Variants in GYS1 observed in about 807,000 individuals in gnomAD.
GYS1 encodes glycogen synthase 1.
A neutral mutation model predicts 89.1 loss-of-function variants in GYS1; 60 were observed. The observed-to-expected ratio is 0.67, with a 90% CI of 0.55 to 0.84. GYS1 has a LOEUF of 0.84. Ranked by LOEUF, GYS1 falls within the 40% of genes least tolerant of loss-of-function variation. The probability of loss-of-function intolerance (pLI) is 0.00; values close to 1 mark genes in which losing one functional copy is unlikely to be tolerated. For synonymous variants in GYS1, 366 were observed against 401.7 expected, an observed-to-expected ratio of 0.91 and a Z score of 1.06; for missense variants, 888 against 1,003.1, an observed-to-expected ratio of 0.89 and a Z score of 1.55.
At position 48,969,403 on chromosome 19, in the gene GYS1, G is replaced by T. The variant is rs376847475; in HGVS notation, c.2099C>A (p.Thr700Asn). Residue 700 changes from threonine (T) to asparagine (N), a missense_variant, in exon 16 of 16, where the codon ACC (threonine) becomes AAC (asparagine). Physicochemically the swap from Thr to Asn is moderately conservative, Grantham distance 65. Transcript: ENST00000323798. ...GCGCTTGCTGCCGCTGGTGGAGGAGGTGCAGGACGCTCGGCGCGGCCACTC... is the reference window on the plus strand; with the variant it reads ...GCGCTTGCTGCCGCTGGTGGAGGAGTTGCAGGACGCTCGGCGCGGCCACTC... ...APEWPRRASC[T>N]SSTSGSKRNS... 6.4e-7 allele frequency: 1 copy of T among 1,559,322 alleles called. No homozygotes were observed. Among genetic ancestry groups the T allele is most frequent in the Non-Finnish European group, 8.6e-7 (1 of 1,156,202 alleles).
At chr19:48,984,124 G>A (rs1320713596) in intron 5 of GYS1, among the ~76,000 whole-genome samples, 1 of 151,870 alleles carries the variant, frequency 6.6e-6, no homozygotes, top group Non-Finnish European at 1.5e-5. Flanking sequence ...TCAGCCTCCC[G>A]AGTAGCTGGG....
intron 2 of GYS1, among the ~76,000 whole-genome samples, chr19:48,989,043 CCTTG>C (rs1230490215): frequency 6.6e-6 from 1 of 151,722 alleles, no homozygotes; most frequent in Non-Finnish European, 1.5e-5. Context: ...TTCCTTCCTT[CCTTG>C]CTTCCTTCCT....
intron 8 of GYS1, among the ~76,000 whole-genome samples, chr19:48,978,787 G>T (rs1054774317): frequency 3.9e-5 from 6 of 151,916 alleles, no homozygotes; most frequent in Non-Finnish European, 8.8e-5. Context: ...TGGCCACCTC[G>T]GCCTCCCAAA....
rs759972914 is a variant in GYS1 at position 48,985,977 on chromosome 19, G to A, written c.551C>T (p.Ala184Val). 6 of 1,614,194 alleles carry A rather than the reference G, an allele frequency of 3.7e-6. No homozygotes were observed. The East Asian group carries it at 6.7e-5, about 18-fold the overall frequency. Reference sequence around the variant, plus strand: ...ACGACACAGGCAGAGTCCAACGCCTGCCAACCACTCATGGAAGTGAGCAAC... The same window carrying A: ...ACGACACAGGCAGAGTCCAACGCCTACCAACCACTCATGGAAGTGAGCAAC... ...HVVAHFHEWL[A>V]GVGLCLCRAR... The change falls in exon 4 of 16, where the codon GCA (alanine) becomes GTA (valine). Residue 184 changes from alanine to valine, a missense_variant. Coordinates refer to ENST00000323798, the MANE Select transcript of GYS1 (RefSeq NM_002103.5).
rs374209527 is a variant in GYS1, at chr19:48,970,524, G to C, written c.1809+22C>G. 2.1e-5 allele frequency: 34 copies of C among 1,609,488 alleles called. No homozygotes were observed. In the South Asian group the frequency reaches 2.8e-4, roughly 13 times the overall value. On this transcript the variant is annotated intron_variant, in intron 14 of 15. Coordinates refer to ENST00000323798, the MANE Select transcript of GYS1 (RefSeq NM_002103.5). ...AGGAGCTGCTGATTTGCCAGGAGAG[G>C]ATAGGAAAGTGGGGGTCCTACCCGG...
chr19:48,983,956 T>C (rs1184876988), intron 5 of GYS1, among the ~76,000 whole-genome samples: 1 of 152,170 alleles, frequency 6.6e-6, no homozygotes, highest in African/African-American at 2.4e-5. Context: ...GGTAAAAAAA[T>C]GGTAACTGAT....
rs747526091 is a variant in GYS1 at position 48,970,583 on chromosome 19, C to A, written c.1772G>T (p.Arg591Leu). 1.2e-6 allele frequency: 2 copies of A among 1,613,846 alleles called. No homozygotes were observed. The highest frequency in any genetic ancestry group is 1.7e-6 in the Non-Finnish European group (2 of 1,179,884). Residue 591 changes from arginine to leucine, a missense_variant, in exon 14 of 16, where the codon CGC (arginine) becomes CTC (leucine). Transcript: ENST00000323798. The part of the protein sequence containing the change: ...QRIIQRNRTE[R>L]LSDLLDWKYL... ...TTTCCAGTCCAGAAGGTCGGAGAGG[C>A]GCTCCGTGCGGTTCCGCTGGATGAT...
chr19:48,970,464 T>C (rs1459688573), intron 14 of GYS1, 82 bp downstream of exon 14: 2 of 1,161,918 alleles, frequency 1.7e-6, no homozygotes, highest in Non-Finnish European at 1.3e-6. Context: ...ACAAGTAGGA[T>C]GAGACCCTGC....
intron 12 of GYS1, 40 bp from the exon 13 acceptor site, chr19:48,971,063 A>T (rs1391569153): frequency 7.4e-7 from 1 of 1,356,036 alleles, no homozygotes; most frequent in East Asian, 2.3e-5. Context: ...AGCTTCCCTC[A>T]TCGCCTACCG....
At chr19:48,979,216 C>T (rs916362504) in intron 8 of GYS1, among the ~76,000 whole-genome samples, 2 of 152,000 alleles carry the variant, frequency 1.3e-5, no homozygotes, top group African/African-American at 4.8e-5. Context: ...ACCACTTAGG[C>T]ACACAAGTAA....
rs1165099068 is a variant in GYS1 at position 48,968,306 on chromosome 19, C to T, written c.*982G>A. On this transcript the variant is annotated 3_prime_UTR_variant, in exon 16 of 16. Transcript: ENST00000323798. The stretch of plus-strand genomic sequence containing the variant: ...GCACAGTTTGGGGATGGAAGAGCCT[C>T]GAGGTAAATGTGGGGGTTCTAGAAC... The T allele has an allele frequency of 4.6e-5, 21 of 454,284 alleles. No homozygotes were observed. The highest frequency in any genetic ancestry group is 1.4e-4 in the Admixed American group (6 of 42,540). The allele number at this position is 454,284 out of a possible 1,614,324, so 28.1% of individuals were successfully genotyped here. A position where few individuals can be genotyped will look rare whatever the true frequency, so the allele number is the denominator to read the frequency against.
Position 48,993,014 on chromosome 19 carries a change from G to A in GYS1, c.99C>T (p.Ala33=). Residue 33 remains alanine (A), a synonymous_variant, in exon 1 of 16, where the codon GCC becomes GCT. Coordinates refer to ENST00000323798, the MANE Select transcript of GYS1 (RefSeq NM_002103.5). ...DLENAVLFEV[A]WEVANKVGGI... ...GCTCACCCTTGTTAGCCACCTCCCA[G>A]GCCACTTCGAAGAGCACTGCGTTCT... 3.1e-6 allele frequency: 5 copies of A among 1,608,254 alleles called. No homozygotes were observed. The highest frequency in any genetic ancestry group is 4.3e-6 in the Non-Finnish European group (5 of 1,174,770).
chr19:48,973,391 GC>G (rs1360581557), intron 12 of GYS1, among the ~76,000 whole-genome samples: 4 of 151,972 alleles, frequency 2.6e-5, no homozygotes, highest in Admixed American at 2.6e-4. Flanking sequence ...ATAAAACAAG[GC>G]CTATGGAAAA....
chr19:48,978,840 T>G (rs981606495), intron 8 of GYS1, among the ~76,000 whole-genome samples: 1 of 152,090 alleles, frequency 6.6e-6, no homozygotes, highest in Non-Finnish European at 1.5e-5. Context: ...CAGCTACCCT[T>G]AGGTTTCTAG....
At chr19:48,986,492 T>C (rs1167413327) in intron 3 of GYS1, among the ~76,000 whole-genome samples, 1 of 151,698 alleles carries the variant, frequency 6.6e-6, no homozygotes, top group Non-Finnish European at 1.5e-5. Flanking sequence ...TAAGCTTCTT[T>C]TTTTTTTTTT....
chr19:48,980,089 A>C lies in GYS1; in HGVS notation c.1169+1441T>G, dbSNP rs116574618. Among the ~76,000 whole-genome samples the C allele has an allele frequency of 8.6e-3, 1,303 of 151,942 alleles. 17 individuals carry two copies. Among genetic ancestry groups the C allele is most frequent in the African/African-American group, 0.029 (1,208 of 41,422 alleles). On this transcript the variant is annotated intron_variant, in intron 8 of 15. Transcript: ENST00000323798. Reference sequence around the variant, plus strand: ...GTAGCTGGCACTACAGGTGCCCTCCATCTTGCCTCACTTTCTACCCCTTCT... The same window carrying C: ...GTAGCTGGCACTACAGGTGCCCTCCCTCTTGCCTCACTTTCTACCCCTTCT...
intron 4 of GYS1, 48 bp from the exon 5 acceptor site, chr19:48,985,653 C>T (rs1412807766): frequency 2.5e-6 from 4 of 1,606,696 alleles, no homozygotes; most frequent in Non-Finnish European, 3.4e-6. Context: ...GGGGAGAAGA[C>T]TCTGGAGGTC....
rs2038938901 is a variant in GYS1, at chr19:48,991,960, C to G, written c.119-477G>C. On this transcript the variant is annotated intron_variant, in intron 1 of 15. Transcript: ENST00000323798. The surrounding 1 kb of genome is among the most constrained non-coding windows in gnomAD (Gnocchi z 4.7). ...GGCCAATCCAGCTTCTCACCATTGC[C>G]CAAGAGAAGCCTGCATGGTCATTCC... Among the ~76,000 whole-genome samples the G allele has an allele frequency of 6.6e-6, 1 of 152,074 alleles. No homozygotes were observed. Among genetic ancestry groups the G allele is most frequent in the Non-Finnish European group, 1.5e-5 (1 of 67,992 alleles).
In GYS1 at chr19:48,993,158, C is replaced by G; in HGVS notation, c.-46G>C. 1 of 1,074,646 alleles carries G rather than the reference C, an allele frequency of 9.3e-7. No homozygotes were observed. Among genetic ancestry groups the G allele is most frequent in the Admixed American group, 1.7e-5 (1 of 59,316 alleles). The allele number at this position is 1,074,646 out of a possible 1,614,324, so 66.6% of individuals were successfully genotyped here. A position where few individuals can be genotyped will look rare whatever the true frequency, so the allele number is the denominator to read the frequency against. ...CTCCGGGGATCTCCAGGTAGGGACC[C>G]CGGAGGTGTCTAGGGAATGCACCAG... is the stretch of plus-strand genomic sequence containing the variant. On this transcript the variant is annotated 5_prime_UTR_variant, in exon 1 of 16. Transcript: ENST00000323798.
Sources: allele counts gnomAD v4.1 joint callset (sites outside exome capture counted in the v4.1 genomes callset), GRCh38; gene constraint gnomAD v4.1.1; non-coding constraint Gnocchi (gnomAD v3.1); transcripts MANE v1.5; gene names NCBI Gene and HGNC (gene_info 2026-07-23, HGNC 2026-07-21).